The following NRF1 variants were observed in gnomAD, a reference collection of about 807,000 sequenced individuals.
The protein encoded by NRF1 is alpha palindromic-binding protein.
In NRF1, 5 loss-of-function variants were observed where a neutral mutation model predicts 58.5. That is an observed-to-expected ratio of 0.09 (90% CI 0.04 to 0.18). The LOEUF (loss-of-function observed/expected upper bound fraction) is 0.18. Among genes scored for constraint, NRF1 ranks in the 10% least tolerant of loss-of-function variants. The probability of loss-of-function intolerance (pLI) is 1.00; values close to 1 mark genes in which losing one functional copy is unlikely to be tolerated. For missense variants in NRF1, 288 were observed against 657.7 expected (o/e 0.44, Z 6.15); for synonymous variants, 224 against 246.7 (o/e 0.91, Z 0.86).
At chr7:129,691,517 G>A (rs1235670122) in intron 5 of NRF1, among the ~76,000 whole-genome samples, 1 of 151,610 alleles carries the variant, frequency 6.6e-6, no homozygotes, top group Non-Finnish European at 1.5e-5. Context: ...ACCACACCTG[G>A]CTAATTTTTG....
intron 4 of NRF1, among the ~76,000 whole-genome samples, 196 bp from the exon 5 acceptor site, chr7:129,690,210 A>G (rs559311516): frequency 6.6e-6 from 1 of 152,336 alleles, no homozygotes; most frequent in African/African-American, 2.4e-5. Flanking sequence ...CTGCAATTTC[A>G]TCATCTTTTC....
chr7:129,690,591 A>T (rs1481576870), intron 5 of NRF1, 45 bp downstream of exon 5: 2 of 1,607,792 alleles, frequency 1.2e-6, no homozygotes, highest in Non-Finnish European at 1.7e-6. Flanking sequence ...CAAGTGGCAC[A>T]GGTGTGGGCG....
At chr7:129,734,413 A>G (rs1251670073) in intron 10 of NRF1, among the ~76,000 whole-genome samples, 1 of 152,218 alleles carries the variant, frequency 6.6e-6, no homozygotes, top group Non-Finnish European at 1.5e-5. Context: ...CCTAGACTCC[A>G]CAAATACAGG....
intron 10 of NRF1, among the ~76,000 whole-genome samples, chr7:129,752,049 G>A (rs1374590831): frequency 6.6e-6 from 1 of 152,226 alleles, no homozygotes; most frequent in Non-Finnish European, 1.5e-5. Context: ...GGCACACTTT[G>A]TACTTCATAC....
chr7:129,621,821 C>T (rs955651180), intron 1 of NRF1, among the ~76,000 whole-genome samples: 2 of 140,536 alleles, frequency 1.4e-5, no homozygotes, highest in African/African-American at 2.7e-5. Context: ...CTCGCTCTGT[C>T]GCCCGGGCTG....
chr7:129,679,302 C>T (rs1802251867), intron 4 of NRF1, among the ~76,000 whole-genome samples: 1 of 152,094 alleles, frequency 6.6e-6, no homozygotes, highest in African/African-American at 2.4e-5. Context: ...ATGTTAAAAG[C>T]AGCTGCAAGT....
intron 9 of NRF1, 37 bp from the exon 10 acceptor site, chr7:129,727,204 C>T (rs770170650): frequency 5.9e-5 from 92 of 1,547,510 alleles, no homozygotes; most frequent in Non-Finnish European, 7.2e-5. Flanking sequence ...TGCTGTTCCT[C>T]TATTCATCAT....
intron 1 of NRF1, among the ~76,000 whole-genome samples, chr7:129,650,172 CTT>C (rs547552443): frequency 7.0e-4 from 99 of 141,310 alleles, no homozygotes; most frequent in Non-Finnish European, 1.1e-3. Context: ...TTTCTTTTTC[CTT>C]TTTTTTTTTT....
Position 129,755,328 on chromosome 7 carries a change from T to A in NRF1, c.*147T>A. Reference sequence around the variant, plus strand: ...TTTTTTTAAAAGGAAGAAAGCGGATTTTGGAATTGCATTTTTTAAAGCACC... The same window carrying A: ...TTTTTTTAAAAGGAAGAAAGCGGATATTGGAATTGCATTTTTTAAAGCACC... On this transcript the variant is annotated 3_prime_UTR_variant, in exon 11 of 11. Coordinates refer to ENST00000393232, the MANE Select transcript of NRF1 (RefSeq NM_005011.5). This position sits in a 1 kb window ranked among gnomAD's most constrained non-coding sequence, Gnocchi z 5.8. 1 of 709,624 alleles carries A rather than the reference T, an allele frequency of 1.4e-6. No individual in the cohort carries two copies. Among genetic ancestry groups the A allele is most frequent in the Non-Finnish European group, 2.1e-6 (1 of 474,352 alleles). 44.0% of individuals were successfully genotyped at this position (709,624 alleles called of 1,614,324 possible).
At chr7:129,638,997 G>A (rs1413077620) in intron 1 of NRF1, among the ~76,000 whole-genome samples, 1 of 151,900 alleles carries the variant, frequency 6.6e-6, no homozygotes, top group Non-Finnish European at 1.5e-5. Flanking sequence ...TGATTATATG[G>A]CATCTTTAAT....
chr7:129,712,093 T>C (rs1026701793), intron 8 of NRF1, among the ~76,000 whole-genome samples: 9 of 152,126 alleles, frequency 5.9e-5, no homozygotes, highest in Middle Eastern at 3.2e-3. Flanking sequence ...CCAACCTTTA[T>C]TGATCACTTG....
chr7:129,615,971 A>G (rs1188334166), intron 1 of NRF1, among the ~76,000 whole-genome samples: 2 of 152,212 alleles, frequency 1.3e-5, no homozygotes, highest in Admixed American at 6.5e-5. Context: ...TTTTAGTGCA[A>G]TATGGACAAA....
At chr7:129,667,638 T>G (rs1248228634) in intron 2 of NRF1, among the ~76,000 whole-genome samples, 1 of 151,902 alleles carries the variant, frequency 6.6e-6, no homozygotes, top group African/African-American at 2.4e-5. Context: ...AGTTTATCCT[T>G]TCGGGATCTT....
chr7:129,677,421 C>G (rs1180628892), intron 3 of NRF1, among the ~76,000 whole-genome samples: 1 of 152,120 alleles, frequency 6.6e-6, no homozygotes, highest in Non-Finnish European at 1.5e-5. Context: ...CAAAGCAAAA[C>G]CTTCAGTTGA....
intron 10 of NRF1, among the ~76,000 whole-genome samples, chr7:129,736,099 C>A (rs549124194): frequency 1.4e-3 from 209 of 152,312 alleles, no homozygotes; most frequent in African/African-American, 4.9e-3. Flanking sequence ...TTTTACTATG[C>A]ATTCCAACTG....
chr7:129,663,461 G>A (rs1053600544), intron 2 of NRF1, among the ~76,000 whole-genome samples: 4 of 146,886 alleles, frequency 2.7e-5, no homozygotes, highest in African/African-American at 1.0e-4. Context: ...ACAATGGGCG[G>A]CCGAGCAGAG....
chr7:129,640,178 C>T (rs933058687), intron 1 of NRF1, among the ~76,000 whole-genome samples: 1 of 152,074 alleles, frequency 6.6e-6, no homozygotes, highest in Non-Finnish European at 1.5e-5. Flanking sequence ...TGGGTGGCTG[C>T]AGGTACAATT....
chr7:129,703,703 G>A (rs1272914153), intron 5 of NRF1, among the ~76,000 whole-genome samples: 1 of 152,090 alleles, frequency 6.6e-6, no homozygotes, highest in East Asian at 1.9e-4. Flanking sequence ...TACTTCTTTT[G>A]GTATAGGGGC....
chr7:129,682,872 C>T (rs1802352198), intron 4 of NRF1, among the ~76,000 whole-genome samples: 1 of 151,890 alleles, frequency 6.6e-6, no homozygotes, highest in Non-Finnish European at 1.5e-5. Flanking sequence ...ATAAATATAT[C>T]ATATTTGAAA....
Sources: allele counts gnomAD v4.1 joint callset (sites outside exome capture counted in the v4.1 genomes callset), GRCh38; gene constraint gnomAD v4.1.1; non-coding constraint Gnocchi (gnomAD v3.1); transcripts MANE v1.5; gene names NCBI Gene and HGNC (gene_info 2026-07-23, HGNC 2026-07-21).